The following KITLG variants were observed in gnomAD, a reference collection of about 807,000 sequenced individuals.
KITLG encodes c-Kit ligand.
A neutral mutation model predicts 34.1 loss-of-function variants in KITLG; 13 were observed. The observed-to-expected ratio is 0.38, with a 90% CI of 0.25 to 0.61. The LOEUF (loss-of-function observed/expected upper bound fraction) is 0.61. Ranked by LOEUF, KITLG falls within the 20% of genes least tolerant of loss-of-function variation. The pLI is 0.60. For missense variants in KITLG, 292 were observed against 318.9 expected, an observed-to-expected ratio of 0.92 and a Z score of 0.64; for synonymous variants, 110 against 104.0, an observed-to-expected ratio of 1.06 and a Z score of -0.35.
intron 1 of KITLG, among the ~76,000 whole-genome samples, chr12:88,565,566 A>T (rs1163678218): frequency 1.3e-5 from 2 of 152,228 alleles, no homozygotes; most frequent in East Asian, 1.9e-4. Context: ...CGGAAGTTGC[A>T]GTGAGCTGAG....
intron 1 of KITLG, chr12:88,564,430 A>C (rs1041957864): frequency 6.6e-6 from 1 of 152,200 alleles, no homozygotes; most frequent in Non-Finnish European, 1.5e-5. Context: ...GGGAGAGAAT[A>C]GGGATCTACT....
chr12:88,543,010 T>C (rs1394192893), intron 2 of KITLG, among the ~76,000 whole-genome samples: 1 of 152,176 alleles, frequency 6.6e-6, no homozygotes, highest in Non-Finnish European at 1.5e-5. Context: ...GAGCAATTGC[T>C]CTTAAGCCTC....
At chr12:88,573,961 C>A (rs1871741518) in intron 1 of KITLG, among the ~76,000 whole-genome samples, 1 of 152,186 alleles carries the variant, frequency 6.6e-6, no homozygotes, top group Admixed American at 6.5e-5. Flanking sequence ...CCAATTTACC[C>A]ATGTTCTAAT....
intron 9 of KITLG, among the ~76,000 whole-genome samples, chr12:88,500,398 T>G (rs1868806766): frequency 3.9e-5 from 6 of 152,228 alleles, no homozygotes; most frequent in Admixed American, 3.9e-4. Context: ...AAAGTAACTC[T>G]GTAAACTTTT....
Position 88,494,877 on chromosome 12 carries a change from A to C in KITLG, c.*2342T>G, listed in dbSNP as rs1868567568. 6.6e-6 allele frequency: 1 copy of C among 152,186 alleles called. No homozygotes were observed. Among genetic ancestry groups the C allele is most frequent in the Admixed American group, 6.6e-5 (1 of 15,260 alleles). 9.4% of individuals were successfully genotyped at this position (152,186 alleles called of 1,614,324 possible). ...GGATATTCAGAACACATCTGGGATA[A>C]AATAAGCAAAGATAAATATATATTT... On this transcript the variant is annotated 3_prime_UTR_variant, in exon 10 of 10. Transcript: ENST00000644744.
chr12:88,520,364 T>C (rs184283762), intron 3 of KITLG, among the ~76,000 whole-genome samples: 14 of 152,340 alleles, frequency 9.2e-5, no homozygotes, highest in South Asian at 6.2e-4. Context: ...TAATTCCTTA[T>C]AGACCGTCAG....
intron 1 of KITLG, among the ~76,000 whole-genome samples, chr12:88,569,135 T>G (rs965367374): frequency 3.9e-5 from 6 of 152,090 alleles, no homozygotes; most frequent in African/African-American, 1.4e-4. Flanking sequence ...TCATGTTCTG[T>G]CCCCCTAATT....
At position 88,506,993 on chromosome 12, in the gene KITLG, A is replaced by G. The variant is rs562862887; in HGVS notation, c.714+35T>C. 5 of 1,063,606 alleles carry G rather than the reference A, an allele frequency of 4.7e-6. 1 individual carries two copies. The South Asian group carries it at 5.0e-5, about 11-fold the overall frequency. 65.9% of individuals were successfully genotyped at this position (1,063,606 alleles called of 1,614,324 possible). A position where few individuals can be genotyped will look rare whatever the true frequency, so the allele number is the denominator to read the frequency against. On this transcript the variant is annotated intron_variant, in intron 7 of 9. Transcript: ENST00000644744. ...AAAAGATGATAATTTATGTAAACAT[A>G]GCATATTTTTAAAAAAAGGAATGGT... is the stretch of plus-strand genomic sequence containing the variant.
At position 88,492,984 on chromosome 12, in the gene KITLG, T is replaced by C. The variant is rs1019142953; in HGVS notation, c.*4235A>G. On this transcript the variant is annotated 3_prime_UTR_variant, in exon 10 of 10. Coordinates refer to ENST00000644744, the MANE Select transcript of KITLG (RefSeq NM_000899.5). Reference sequence around the variant, plus strand: ...TTAAATTTCAGTCATAATAGAACTATTTAGAATAGTGTCGACATACATTTA... The same window carrying C: ...TTAAATTTCAGTCATAATAGAACTACTTAGAATAGTGTCGACATACATTTA... The C allele has an allele frequency of 6.6e-6, 1 of 152,316 alleles. No homozygotes were observed. Among genetic ancestry groups the C allele is most frequent in the Non-Finnish European group, 1.5e-5 (1 of 67,868 alleles). 9.4% of individuals were successfully genotyped at this position (152,316 alleles called of 1,614,324 possible).
chr12:88,493,989 A>T lies in KITLG; in HGVS notation c.*3230T>A, dbSNP rs1868508964. 6.6e-6 allele frequency: 1 copy of T among 151,886 alleles called. No individual in the cohort carries two copies. Among genetic ancestry groups the T allele is most frequent in the Non-Finnish European group, 1.5e-5 (1 of 67,840 alleles). 9.4% of individuals were successfully genotyped at this position (151,886 alleles called of 1,614,324 possible). On this transcript the variant is annotated 3_prime_UTR_variant, in exon 10 of 10. Transcript: ENST00000644744. ...TATGGTCAAGATACTTATTCACAGAATCCAGAGTTGGATATTTTGTATGGG... is the reference window on the plus strand; with the variant it reads ...TATGGTCAAGATACTTATTCACAGATTCCAGAGTTGGATATTTTGTATGGG...
chr12:88,575,596 C>G (rs1046016580), intron 1 of KITLG, among the ~76,000 whole-genome samples: 1 of 152,072 alleles, frequency 6.6e-6, no homozygotes, highest in Admixed American at 6.6e-5. Flanking sequence ...TGAAACAGAG[C>G]CTATACAAAA....
intron 3 of KITLG, among the ~76,000 whole-genome samples, chr12:88,526,589 G>A (rs923058729): frequency 1.5e-4 from 23 of 152,140 alleles, no homozygotes; most frequent in Non-Finnish European, 2.8e-4. Flanking sequence ...AAGTTTACAG[G>A]TTGGTGGAAG....
intron 1 of KITLG, among the ~76,000 whole-genome samples, chr12:88,576,587 A>G (rs1871832544): frequency 6.6e-6 from 1 of 152,210 alleles, no homozygotes; most frequent in Non-Finnish European, 1.5e-5. Flanking sequence ...CATACAGATT[A>G]CAAAAAACAG....
chr12:88,512,091 G>A (rs950012255), intron 6 of KITLG, among the ~76,000 whole-genome samples: 2 of 152,088 alleles, frequency 1.3e-5, no homozygotes, highest in Non-Finnish European at 2.9e-5. Context: ...GATGACCTAT[G>A]TGTTGAAATT....
In KITLG at chr12:88,506,312, T is replaced by C; in HGVS notation, c.781A>G (p.Ser261Gly). 6.3e-7 allele frequency: 1 copy of C among 1,599,810 alleles called. No homozygotes were observed. Among genetic ancestry groups the C allele is most frequent in the Non-Finnish European group, 8.6e-7 (1 of 1,167,074 alleles). ...IQINEEDNEI[S>G]MLQEKEREFQ... ...CACACATTTAGCAAAACAAAATACC[T>C]TATCTCATTATCCTCTTCATTAATT... Residue 261 changes from serine to glycine, a missense_variant and splice_region_variant, in exon 8 of 10, where the codon AGT (serine) becomes GGT (glycine). Transcript: ENST00000644744.
intron 6 of KITLG, among the ~76,000 whole-genome samples, chr12:88,509,263 T>G (rs1402379444): frequency 6.6e-6 from 1 of 152,210 alleles, no homozygotes; most frequent in Non-Finnish European, 1.5e-5. Context: ...CCAAACACCA[T>G]GTTCTTCTTG....
chr12:88,538,840 A>G (rs1870420073), intron 2 of KITLG, among the ~76,000 whole-genome samples: 1 of 152,208 alleles, frequency 6.6e-6, no homozygotes, highest in African/African-American at 2.4e-5. Flanking sequence ...GAGTGCAAGG[A>G]TGTCAATACT....
At chr12:88,531,523 T>C (rs531865772) in intron 3 of KITLG, among the ~76,000 whole-genome samples, 1 of 152,354 alleles carries the variant, frequency 6.6e-6, no homozygotes, top group African/African-American at 2.4e-5. Context: ...TGAATTCTGA[T>C]ACTGTGTAAT....
intron 1 of KITLG, among the ~76,000 whole-genome samples, chr12:88,566,196 G>A (rs1592587558): frequency 6.6e-6 from 1 of 152,300 alleles, no homozygotes; most frequent in African/African-American, 2.4e-5. Context: ...ACAGGACAGT[G>A]TTACATGCAG....
Sources: gnomAD v4.1 joint callset for allele counts (sites outside exome capture counted in the v4.1 genomes callset) on GRCh38, gnomAD v4.1.1 for gene constraint, MANE v1.5 for transcripts, NCBI Gene and HGNC (gene_info 2026-07-23, HGNC 2026-07-21) for gene names.